Variants in FLT3LG observed in about 807,000 individuals in gnomAD.
FLT3LG encodes the protein fms related receptor tyrosine kinase 3 ligand.
FLT3LG carries 8 observed loss-of-function variants against 30.9 expected under a neutral mutation model. The observed-to-expected ratio is 0.26, with a 90% CI of 0.15 to 0.47. FLT3LG has a LOEUF of 0.47. FLT3LG is among the 20% of genes least tolerant of loss of function. FLT3LG has a pLI of 0.99. For synonymous variants in FLT3LG, 123 were observed against 135.9 expected (o/e 0.91, Z 0.66); for missense variants, 278 against 306.2 (o/e 0.91, Z 0.69).
In FLT3LG at chr19:49,476,033, C is replaced by T; in HGVS notation, c.145-112C>T. On this transcript the variant is annotated intron_variant, in intron 3 of 8. Coordinates refer to ENST00000597551, the MANE Select transcript of FLT3LG (RefSeq NM_001459.4). The surrounding 1 kb of genome is among the most constrained non-coding windows in gnomAD (Gnocchi z 5.3). Reference sequence around the variant, plus strand: ...AGGTTCTGTGGCTTCTTCTGGGCTCCCCCTCTCTTGGTCTTGTCCCTCTCT... The same window carrying T: ...AGGTTCTGTGGCTTCTTCTGGGCTCTCCCTCTCTTGGTCTTGTCCCTCTCT... 8.0e-7 allele frequency: 1 copy of T among 1,257,236 alleles called. No individual in the cohort carries two copies. The highest frequency in any genetic ancestry group is 1.2e-6 in the Non-Finnish European group (1 of 860,780). The allele number at this position is 1,257,236 out of a possible 1,614,324, so 77.9% of individuals were successfully genotyped here. A position where few individuals can be genotyped will look rare whatever the true frequency, so the allele number is the denominator to read the frequency against.
At chr19:49,485,961 C>G (rs1479359290) in intron 8 of FLT3LG, 54 bp from the exon 9 acceptor site, 1 of 152,290 alleles carries the variant, frequency 6.6e-6, no homozygotes, top group Non-Finnish European at 1.5e-5. Context: ...TCTCCTCTCT[C>G]AGCGGAGCCT....
chr19:49,476,071 G>C lies in FLT3LG; in HGVS notation c.145-74G>C. The stretch of plus-strand genomic sequence containing the variant: ...CTTGTCCCTCTCTCTCTGGATCTCT[G>C]CTGCCACCTCTGGGTCCCCACAGTT... On this transcript the variant is annotated intron_variant, in intron 3 of 8. Coordinates refer to ENST00000597551, the MANE Select transcript of FLT3LG (RefSeq NM_001459.4). The surrounding 1 kb of genome is among the most constrained non-coding windows in gnomAD (Gnocchi z 5.3). 1 of 1,526,000 alleles carries C rather than the reference G, an allele frequency of 6.6e-7. No individual in the cohort carries two copies. Among genetic ancestry groups the C allele is most frequent in the Non-Finnish European group, 9.1e-7 (1 of 1,100,854 alleles). The allele number at this position is 1,526,000 out of a possible 1,614,324, so 94.5% of individuals were successfully genotyped here.
intron 2 of FLT3LG, 60 bp from the exon 3 acceptor site, chr19:49,475,631 C>A (rs867713108): frequency 9.6e-6 from 15 of 1,562,956 alleles, no homozygotes; most frequent in Non-Finnish European, 1.2e-5. Flanking sequence ...GTGGGAAGCC[C>A]GGAGGAGGGG....
chr19:49,476,347 GC>G lies in FLT3LG; in HGVS notation c.199-73del, dbSNP rs1435214648. 4 of 1,532,682 alleles carry G rather than the reference GC, an allele frequency of 2.6e-6. No individual in the cohort carries two copies. In the African/African-American group the frequency reaches 5.5e-5, roughly 21 times the overall value. The allele number at this position is 1,532,682 out of a possible 1,614,324, so 94.9% of individuals were successfully genotyped here. A position where few individuals can be genotyped will look rare whatever the true frequency, so the allele number is the denominator to read the frequency against. On this transcript the variant is annotated intron_variant, in intron 4 of 8. Coordinates refer to ENST00000597551, the MANE Select transcript of FLT3LG (RefSeq NM_001459.4). This position sits in a 1 kb window ranked among gnomAD's most constrained non-coding sequence, Gnocchi z 5.3. ...TCCTCCCTCAGACCCAGGAGCCCCG[GC>G]CCAGCCCCTCCTCCCTCAGACCCAG... is the stretch of plus-strand genomic sequence containing the variant.
At chr19:49,478,230 G>A (rs946597917) in intron 5 of FLT3LG, among the ~76,000 whole-genome samples, 15 of 152,044 alleles carry the variant, frequency 9.9e-5, no homozygotes, top group East Asian at 1.9e-4. Flanking sequence ...CACTTTGGGA[G>A]GCCGAGGCGG....
In FLT3LG at chr19:49,478,961, A is replaced by G; in HGVS notation, c.395A>G (p.Gln132Arg). The G allele has an allele frequency of 1.3e-6, 2 of 1,582,882 alleles. No homozygotes were observed. Among genetic ancestry groups the G allele is most frequent in the South Asian group, 1.2e-5 (1 of 86,612 alleles). ...CAGACCAACATCTCCCGCCTCCTGCAGGAGACCTCCGAGCAGCTGGTGGCG... is the reference window on the plus strand; with the variant it reads ...CAGACCAACATCTCCCGCCTCCTGCGGGAGACCTCCGAGCAGCTGGTGGCG... ...FVQTNISRLLQETSEQLVALK... is the reference protein window; with the variant it reads ...FVQTNISRLLRETSEQLVALK... Residue 132 changes from glutamine to arginine, a missense_variant, in exon 6 of 9, where the codon CAG (glutamine) becomes CGG (arginine). This residue lies in a region of FLT3LG where 170 missense variants were observed against 162.0 expected (regional missense o/e 1.05). Transcript: ENST00000597551.
At chr19:49,483,405 G>T (rs535720277) in intron 8 of FLT3LG, among the ~76,000 whole-genome samples, 1 of 151,952 alleles carries the variant, frequency 6.6e-6, no homozygotes, top group Non-Finnish European at 1.5e-5. Flanking sequence ...GTAAGCCACC[G>T]CGCCCAGCCC....
chr19:49,479,494 CTACCT>C (rs1278314546), intron 6 of FLT3LG, among the ~76,000 whole-genome samples: 13 of 138,970 alleles, frequency 9.4e-5, no homozygotes, highest in African/African-American at 5.5e-5. Flanking sequence ...AGTGCCCAGC[CTACCT>C]TTTTTTTTTT....
chr19:49,476,399 A>G lies in FLT3LG; in HGVS notation c.199-24A>G, dbSNP rs1191232935. ...CAGCCCCGTGCCCAGCTCCTCCCTC[A>G]GACCCGTGGGTTCTCCCCTCTAGGA... On this transcript the variant is annotated intron_variant, in intron 4 of 8. Coordinates refer to ENST00000597551, the MANE Select transcript of FLT3LG (RefSeq NM_001459.4). This position sits in a 1 kb window ranked among gnomAD's most constrained non-coding sequence, Gnocchi z 5.3. 2 of 1,603,350 alleles carry G rather than the reference A, an allele frequency of 1.2e-6. No individual in the cohort carries two copies. The highest frequency in any genetic ancestry group is 4.5e-5 in the East Asian group (2 of 44,642).
chr19:49,475,408 G>A lies in FLT3LG; in HGVS notation c.34-283G>A, dbSNP rs183275444. Among the ~76,000 whole-genome samples, 392 of 151,238 alleles carry A rather than the reference G, an allele frequency of 2.6e-3. 1 individual carries two copies. The highest frequency in any genetic ancestry group is 8.8e-3 in the African/African-American group (361 of 41,124). On this transcript the variant is annotated intron_variant, in intron 2 of 8. Transcript: ENST00000597551. ...AGGAACCCGGGCGAGGAAACCAGAC[G>A]TGAAGATGAGGTGGTTGGAGAGAGA...
intron 6 of FLT3LG, among the ~76,000 whole-genome samples, 182 bp from the exon 7 acceptor site, chr19:49,480,116 T>C (rs1464682795): frequency 6.6e-6 from 1 of 152,236 alleles, no homozygotes. Flanking sequence ...TTCACTCATT[T>C]AATTTGTGAC....
chr19:49,477,871 C>A (rs916203140), intron 5 of FLT3LG, among the ~76,000 whole-genome samples: 2 of 150,918 alleles, frequency 1.3e-5, no homozygotes, highest in Non-Finnish European at 2.9e-5. Context: ...TGTGGTGAAA[C>A]CCCGTCTCTA....
intron 8 of FLT3LG, chr19:49,482,038 T>C (rs979001245): frequency 7.2e-5 from 11 of 152,054 alleles, no homozygotes; most frequent in African/African-American, 2.2e-4. Context: ...GAGAAGTTCG[T>C]GCCATTATGA....
intron 2 of FLT3LG, 74 bp from the exon 3 acceptor site, chr19:49,475,617 A>T: frequency 6.5e-7 from 1 of 1,544,368 alleles, no homozygotes. Flanking sequence ...ACAGAACAGT[A>T]CAGGTGGGAA....
intron 8 of FLT3LG, among the ~76,000 whole-genome samples, chr19:49,485,359 C>T (rs1043478605): frequency 4.0e-5 from 6 of 151,462 alleles, no homozygotes; most frequent in Non-Finnish European, 7.4e-5. Flanking sequence ...AAGCGATTCT[C>T]CTGCCTCAGC....
intron 5 of FLT3LG, among the ~76,000 whole-genome samples, chr19:49,478,335 CAG>C (rs2122512898): frequency 6.6e-6 from 1 of 152,004 alleles, no homozygotes; most frequent in Admixed American, 6.6e-5. Context: ...GGCGTGGTGG[CAG>C]GCGCCTGTAG....
chr19:49,479,809 T>TCACTCATTTAATTTGTGACA (rs1306469210), intron 6 of FLT3LG: 1 of 153,288 alleles, frequency 6.5e-6, no homozygotes, highest in African/African-American at 2.5e-5. Context: ...CCCAGCCTAT[T>TCACTCATTTAATTTGTGACA]GTTTTTTTTT....
chr19:49,478,850 C>T, intron 5 of FLT3LG, 59 bp from the exon 6 acceptor site: 1 of 1,428,048 alleles, frequency 7.0e-7, no homozygotes, highest in Non-Finnish European at 9.3e-7. Flanking sequence ...GGGCCTTTGG[C>T]CTGCGGAGGG....
In FLT3LG at chr19:49,480,380, C is replaced by T; in HGVS notation, c.564C>T (p.Leu188=). The T allele has an allele frequency of 6.2e-7, 1 of 1,610,564 alleles. No homozygotes were observed. The highest frequency in any genetic ancestry group is 8.5e-7 in the Non-Finnish European group (1 of 1,178,834). The change falls in exon 7 of 9, where the codon CTC becomes CTT. Residue 188 remains leucine (L), a synonymous_variant. Transcript: ENST00000597551. ...CAGCCCCGCAGCCCCCTCTGCTCCT[C>T]CTACTGCTGCTGCCCGTGGGCCTCC... The part of the protein sequence containing the change: ...APTAPQPPLL[L]LLLLPVGLLL...
Sources: allele counts gnomAD v4.1 joint callset (sites outside exome capture counted in the v4.1 genomes callset), GRCh38; gene constraint gnomAD v4.1.1; regional missense constraint gnomAD v4.1.1; non-coding constraint Gnocchi (gnomAD v3.1); transcripts MANE v1.5; gene names NCBI Gene and HGNC (gene_info 2026-07-23, HGNC 2026-07-21).